COX18: variants seen among roughly 807,000 people sequenced by gnomAD.
The protein encoded by COX18 is cytochrome c oxidase assembly protein COX18, mitochondrial.
A neutral mutation model predicts 38.0 loss-of-function variants in COX18; 45 were observed. The observed-to-expected ratio is 1.18, with a 90% CI of 0.93 to 1.52. The LOEUF (loss-of-function observed/expected upper bound fraction) is 1.52. Ranked by LOEUF, COX18 falls within the 40% of genes most tolerant of loss-of-function variation. The pLI, the probability that COX18 is intolerant of heterozygous loss-of-function variation, is 0.00. For synonymous variants in COX18, 177 were observed against 169.8 expected (o/e 1.04, Z -0.33); for missense variants, 462 against 423.8 (o/e 1.09, Z -0.79).
In COX18 at chr4:73,061,849, C is replaced by T. The variant is rs201668488; in HGVS notation, c.795G>A (p.Ser265=). Residue 265 remains serine, a synonymous_variant, in exon 5 of 6, where the codon TCG becomes TCA. Transcript: ENST00000507544. ...TYITYFVRAM[S]VLMIPIAATV... is the part of the protein sequence containing the mutation. ...TTGCAGCAATTGGTATCATCAACAC[C>T]GACATTGCACGGACAAAGTACGTAA... 7 of 1,613,400 alleles carry T rather than the reference C, an allele frequency of 4.3e-6. No individual in the cohort carries two copies. Among genetic ancestry groups the T allele is most frequent in the South Asian group, 1.1e-5 (1 of 91,024 alleles).
chr4:73,068,387 A>G (rs145035641), intron 1 of COX18, among the ~76,000 whole-genome samples: 176 of 152,352 alleles, frequency 1.2e-3, no homozygotes, highest in African/African-American at 4.0e-3. Flanking sequence ...TATAAAATAT[A>G]TAACAGCACC....
At chr4:73,067,998 G>C in intron 2 of COX18, 31 bp downstream of exon 2, 1 of 1,286,498 alleles carries the variant, frequency 7.8e-7, no homozygotes, top group Non-Finnish European at 1.1e-6. Context: ...GTATGTGTGC[G>C]TATGGTCTTA....
chr4:73,062,000 T>TAC, intron 4 of COX18, 80 bp from the exon 5 acceptor site: 1 of 722,856 alleles, frequency 1.4e-6, no homozygotes, highest in Non-Finnish European at 2.4e-6. Flanking sequence ...TATAAACTGA[T>TAC]TTTTCACTGG....
chr4:73,069,636 A>C lies in COX18; in HGVS notation c.14T>G (p.Leu5Arg). 1 of 1,549,540 alleles carries C rather than the reference A, an allele frequency of 6.5e-7. No homozygotes were observed. The change falls in exon 1 of 6, where the codon CTC becomes CGC. Residue 5 changes from leucine to arginine, a missense_variant. Coordinates refer to ENST00000507544, the MANE Select transcript of COX18 (RefSeq NM_001297732.2). ...GAGCGGCCGCAGCCACCGACCGCCGAGCCGGCACAGCATTTCTGCACCACG... is the reference window on the plus strand; with the variant it reads ...GAGCGGCCGCAGCCACCGACCGCCGCGCCGGCACAGCATTTCTGCACCACG... MLCR[L>R]GGRWLRPLPA...
At chr4:73,060,416 T>C (rs1294244632) in intron 5 of COX18, among the ~76,000 whole-genome samples, 5 of 152,198 alleles carry the variant, frequency 3.3e-5, no homozygotes, top group African/African-American at 1.2e-4. Flanking sequence ...TACTACTTTA[T>C]GTAAAAAGTT....
chr4:73,059,759 A>T lies in COX18; in HGVS notation c.832-1472T>A, dbSNP rs561045808. Among the ~76,000 whole-genome samples the T allele has an allele frequency of 2.0e-5, 3 of 152,336 alleles. 1 individual carries two copies. The South Asian group carries it at 6.2e-4, about 32-fold the overall frequency. ...TTAGCACAAAGTCAGTGTTAAATAA[A>T]TATTGGCTATCATCATTATCTGATT... On this transcript the variant is annotated intron_variant, in intron 5 of 5. Transcript: ENST00000507544.
rs1332660667 is a variant in COX18 at position 73,052,472 on chromosome 4, C to T, written c.*5642G>A. ...GAAACTTTTGGGTAAATAAAATTAT[C>T]TGACTTTAATGCTGTGGCTTTAGGA... is the stretch of plus-strand genomic sequence containing the variant. On this transcript the variant is annotated 3_prime_UTR_variant, in exon 6 of 6. Coordinates refer to ENST00000507544, the MANE Select transcript of COX18 (RefSeq NM_001297732.2). 2 of 152,018 alleles carry T rather than the reference C, an allele frequency of 1.3e-5. No homozygotes were observed. The highest frequency in any genetic ancestry group is 2.9e-5 in the Non-Finnish European group (2 of 68,010). The allele number at this position is 152,018 out of a possible 1,614,324, so 9.4% of individuals were successfully genotyped here. A position where few individuals can be genotyped will look rare whatever the true frequency, so the allele number is the denominator to read the frequency against.
rs370915521 is a variant in COX18 at position 73,059,392 on chromosome 4, T to C, written c.832-1105A>G. Among the ~76,000 whole-genome samples the C allele has an allele frequency of 5.9e-5, 9 of 152,338 alleles. No homozygotes were observed. In the East Asian group the frequency reaches 1.5e-3, roughly 26 times the overall value. On this transcript the variant is annotated intron_variant, in intron 5 of 5. Coordinates refer to ENST00000507544, the MANE Select transcript of COX18 (RefSeq NM_001297732.2). The stretch of plus-strand genomic sequence containing the variant: ...CAGTAACTGCATCTACCTCAGAGGA[T>C]TGCTGTGAGGAATAAATGAGATAAT...
rs1220546715 is a variant in COX18, at chr4:73,055,241, C to T, written c.*2873G>A. 2.0e-5 allele frequency: 3 copies of T among 152,226 alleles called. No homozygotes were observed. Among genetic ancestry groups the T allele is most frequent in the African/African-American group, 7.2e-5 (3 of 41,464 alleles). The allele number at this position is 152,226 out of a possible 1,614,324, so 9.4% of individuals were successfully genotyped here. A position where few individuals can be genotyped will look rare whatever the true frequency, so the allele number is the denominator to read the frequency against. ...TTTTTACTATGACCTAAGCTGCACACACATTTCTGCCTCTGCATCCTTGAT... is the reference window on the plus strand; with the variant it reads ...TTTTTACTATGACCTAAGCTGCACATACATTTCTGCCTCTGCATCCTTGAT... On this transcript the variant is annotated 3_prime_UTR_variant, in exon 6 of 6. Coordinates refer to ENST00000507544, the MANE Select transcript of COX18 (RefSeq NM_001297732.2).
chr4:73,056,655 A>G lies in COX18; in HGVS notation c.*1459T>C, dbSNP rs1377646870. The G allele has an allele frequency of 1.3e-5, 2 of 152,138 alleles. No homozygotes were observed. The highest frequency in any genetic ancestry group is 6.5e-5 in the Admixed American group (1 of 15,268). 9.4% of individuals were successfully genotyped at this position (152,138 alleles called of 1,614,324 possible). ...CCACGCATTAACTCAAGATCAATGT[A>G]TGTTCCATTAGAATAAGATTTATTA... On this transcript the variant is annotated 3_prime_UTR_variant, in exon 6 of 6. Transcript: ENST00000507544.
intron 5 of COX18, 36 bp from the exon 6 acceptor site, chr4:73,058,323 T>C (rs777221330): frequency 1.4e-6 from 2 of 1,477,472 alleles, no homozygotes; most frequent in Non-Finnish European, 1.9e-6. Flanking sequence ...GCATCTGTAA[T>C]TCTACAAGGA....
rs59678976 is a variant in COX18 at position 73,067,886 on chromosome 4, A to ATAT, written c.434+142_434+143insATA. The ATAT allele has an allele frequency of 2.0e-3, 99 of 48,684 alleles. 3 individuals carry two copies. The highest frequency in any genetic ancestry group is 0.022 in the Middle Eastern group (2 of 92). The allele number at this position is 48,684 out of a possible 1,614,324, so 3.0% of individuals were successfully genotyped here. A position where few individuals can be genotyped will look rare whatever the true frequency, so the allele number is the denominator to read the frequency against. ...AAAAATATATATATATATATATATA[A>ATAT]AAAAAGAAATACTTTACTGCCAAAA... is the stretch of plus-strand genomic sequence containing the variant. On this transcript the variant is annotated intron_variant, in intron 2 of 5. Transcript: ENST00000507544.
chr4:73,058,388 G>T, intron 5 of COX18, 101 bp from the exon 6 acceptor site: 1 of 838,308 alleles, frequency 1.2e-6, no homozygotes, highest in Non-Finnish European at 1.8e-6. Context: ...ATACAAGTAT[G>T]CCAAGACTAA....
Position 73,058,074 on chromosome 4 carries a change from A to T in COX18, c.*40T>A. The T allele has an allele frequency of 7.6e-7, 1 of 1,315,760 alleles. No individual in the cohort carries two copies. The highest frequency in any genetic ancestry group is 1.3e-5 in the South Asian group (1 of 75,196). The allele number at this position is 1,315,760 out of a possible 1,614,324, so 81.5% of individuals were successfully genotyped here. A position where few individuals can be genotyped will look rare whatever the true frequency, so the allele number is the denominator to read the frequency against. ...CTAAGTCTAAATACATTTAGATGAT[A>T]GTGACTCCTGCAACTGTTTCAAAAT... On this transcript the variant is annotated 3_prime_UTR_variant, in exon 6 of 6. Coordinates refer to ENST00000507544, the MANE Select transcript of COX18 (RefSeq NM_001297732.2).
Position 73,054,381 on chromosome 4 carries a change from T to C in COX18, c.*3733A>G, listed in dbSNP as rs1483314610. 2 of 152,208 alleles carry C rather than the reference T, an allele frequency of 1.3e-5. No homozygotes were observed. The highest frequency in any genetic ancestry group is 4.8e-5 in the African/African-American group (2 of 41,452). The allele number at this position is 152,208 out of a possible 1,614,324, so 9.4% of individuals were successfully genotyped here. On this transcript the variant is annotated 3_prime_UTR_variant, in exon 6 of 6. Transcript: ENST00000507544. ...TGCTCTTTACTAAAAAAAATCTGCCTGAAGAAAAAAATCAAGAGTATTTAC... is the reference window on the plus strand; with the variant it reads ...TGCTCTTTACTAAAAAAAATCTGCCCGAAGAAAAAAATCAAGAGTATTTAC...
upstream of COX18, chr4:73,069,721 A>G: frequency 7.1e-7 from 1 of 1,413,536 alleles, no homozygotes; most frequent in East Asian, 2.5e-5. Context: ...GCCAAGGCTG[A>G]TACGCGCACG....
At chr4:73,061,224 C>A (rs892904022) in intron 5 of COX18, among the ~76,000 whole-genome samples, 19 of 152,146 alleles carry the variant, frequency 1.2e-4, no homozygotes, top group Admixed American at 7.9e-4. Flanking sequence ...GTGCTAAATT[C>A]TTTGCTCCAG....
Position 73,068,102 on chromosome 4 carries a change from T to C in COX18, c.361A>G (p.Thr121Ala), listed in dbSNP as rs868085559. Reference sequence around the variant, plus strand: ...TCTTGGTTAAGATGCCTGGCAATAGTTTTTATTTCTGGCTGCAAATTTTCC... The same window carrying C: ...TCTTGGTTAAGATGCCTGGCAATAGCTTTTATTTCTGGCTGCAAATTTTCC... ...KVENLQPEIK[T>A]IARHLNQEVA... Residue 121 changes from threonine (T) to alanine (A), a missense_variant, in exon 2 of 6, where the codon ACT (threonine) becomes GCT (alanine). Thr to Ala is a moderately conservative substitution (Grantham distance 58). Coordinates refer to ENST00000507544, the MANE Select transcript of COX18 (RefSeq NM_001297732.2). 2 of 1,608,740 alleles carry C rather than the reference T, an allele frequency of 1.2e-6. No individual in the cohort carries two copies. The highest frequency in any genetic ancestry group is 1.3e-5 in the African/African-American group (1 of 74,540).
chr4:73,056,726 TA>T lies in COX18; in HGVS notation c.*1387del, dbSNP rs755927511. 4 of 152,234 alleles carry T rather than the reference TA, an allele frequency of 2.6e-5. No homozygotes were observed. The highest frequency in any genetic ancestry group is 1.3e-4 in the Admixed American group (2 of 15,292). 9.4% of individuals were successfully genotyped at this position (152,234 alleles called of 1,614,324 possible). ...CTTCCTGGTAACAAGGAAGTCCCCG[TA>T]TTGTGAGTCTTAAGATTTTTCTGAA... On this transcript the variant is annotated 3_prime_UTR_variant, in exon 6 of 6. Transcript: ENST00000507544.
Sources: allele counts gnomAD v4.1 joint callset (sites outside exome capture counted in the v4.1 genomes callset), GRCh38; gene constraint gnomAD v4.1.1; transcripts MANE v1.5; gene names NCBI Gene and HGNC (gene_info 2026-07-23, HGNC 2026-07-21).